Variants in PLEKHG1 observed in about 807,000 individuals in gnomAD.
The protein encoded by PLEKHG1 is pleckstrin homology domain-containing family G member 1.
PLEKHG1 carries 44 observed loss-of-function variants against 100.8 expected under a neutral mutation model. The observed-to-expected ratio is 0.44, with a 90% CI of 0.34 to 0.56. PLEKHG1 has a LOEUF of 0.56. Ranked by LOEUF, PLEKHG1 falls within the 20% of genes least tolerant of loss-of-function variation. The pLI is 0.01. For synonymous variants in PLEKHG1, 640 were observed against 662.5 expected (o/e 0.97, Z 0.52); for missense variants, 1,545 against 1,720.9 (o/e 0.90, Z 1.81).
chr6:150,668,075 G>C (rs773542037), intron 3 of PLEKHG1, among the ~76,000 whole-genome samples: 5 of 152,208 alleles, frequency 3.3e-5, no homozygotes, highest in Non-Finnish European at 7.3e-5. Context: ...AAGTCTCATT[G>C]CTGTTTTTCT....
At chr6:150,669,721 C>T (rs561240089) in intron 3 of PLEKHG1, among the ~76,000 whole-genome samples, 3 of 151,754 alleles carry the variant, frequency 2.0e-5, no homozygotes, top group Non-Finnish European at 2.9e-5. Flanking sequence ...CTCAGCCTCC[C>T]GAGTAGCTGG....
Position 150,733,969 on chromosome 6 carries a change from C to T in PLEKHG1, c.288C>T (p.Asn96=), listed in dbSNP as rs141401834. ...GAGCGCAGTGGAGAGTGGACTCAAA[C>T]GGGGCACCCAAGACGATCGCAGACT... Residue 96 remains asparagine, a synonymous_variant, in exon 2 of 16, where the codon AAC becomes AAT. Transcript: ENST00000358517. 1.1e-5 allele frequency: 18 copies of T among 1,614,150 alleles called. No individual in the cohort carries two copies. The South Asian group carries it at 1.5e-4, about 14-fold the overall frequency.
chr6:150,681,265 T>C (rs1779921093), intron 3 of PLEKHG1, among the ~76,000 whole-genome samples: 1 of 152,128 alleles, frequency 6.6e-6, no homozygotes, highest in African/African-American at 2.4e-5. Flanking sequence ...CTCATGCCTG[T>C]AATCCCAGCA....
chr6:150,808,255 G>A (rs1337014465), intron 7 of PLEKHG1, among the ~76,000 whole-genome samples: 1 of 152,100 alleles, frequency 6.6e-6, no homozygotes, highest in Non-Finnish European at 1.5e-5. Context: ...TAAGTTAGGG[G>A]CAAAGAAAGG....
exon 16 of PLEKHG1, chr6:150,841,223 A>G (rs1217480008): frequency 2.6e-6 from 1 of 382,922 alleles, no homozygotes; most frequent in Non-Finnish European, 4.8e-6. Flanking sequence ...AAATGCAATA[A>G]TCCTTTCCTG....
intron 3 of PLEKHG1, among the ~76,000 whole-genome samples, chr6:150,671,955 A>G (rs1475295140): frequency 2.0e-5 from 3 of 152,154 alleles, no homozygotes; most frequent in East Asian, 1.9e-4. Context: ...CAGGAGGGTG[A>G]TGGAATCCAG....
intron 4 of PLEKHG1, among the ~76,000 whole-genome samples, chr6:150,787,009 G>A (rs1332524926): frequency 2.3e-5 from 3 of 130,008 alleles, no homozygotes; most frequent in East Asian, 4.4e-4. Context: ...CAGCCTGGGT[G>A]ACAAGAGTGA....
intron 10 of PLEKHG1, among the ~76,000 whole-genome samples, chr6:150,813,304 C>A (rs75073379): frequency 0.017 from 2,040 of 121,570 alleles, no homozygotes; most frequent in Admixed American, 0.02. Context: ...GACTCTGTCT[C>A]AAAAAAAAAA....
chr6:150,752,670 C>A (rs1464121194), intron 2 of PLEKHG1, among the ~76,000 whole-genome samples: 1 of 152,178 alleles, frequency 6.6e-6, no homozygotes, highest in African/African-American at 2.4e-5. Context: ...TGTACAATAA[C>A]TGATCCCTTA....
intron 2 of PLEKHG1, among the ~76,000 whole-genome samples, chr6:150,746,926 T>C (rs541567287): frequency 1.3e-5 from 2 of 152,256 alleles, no homozygotes; most frequent in Non-Finnish European, 2.9e-5. Context: ...AAAATGCCTG[T>C]AACTGCAAAG....
At chr6:150,623,844 G>A (rs1012895473) in intron 1 of PLEKHG1, among the ~76,000 whole-genome samples, 3 of 152,158 alleles carry the variant, frequency 2.0e-5, no homozygotes, top group African/African-American at 7.2e-5. Flanking sequence ...CACTGTGCAT[G>A]TGTATGTATG....
chr6:150,814,242 C>G (rs1787725254), intron 10 of PLEKHG1, among the ~76,000 whole-genome samples: 1 of 152,092 alleles, frequency 6.6e-6, no homozygotes, highest in Non-Finnish European at 1.5e-5. Context: ...TTTGATGGGC[C>G]CCACCCATTG....
intron 4 of PLEKHG1, among the ~76,000 whole-genome samples, chr6:150,788,199 G>T (rs2128653948): frequency 6.6e-6 from 1 of 152,350 alleles, no homozygotes; most frequent in East Asian, 1.9e-4. Flanking sequence ...TTAGAAGACT[G>T]ACTTGAGCTC....
chr6:150,726,662 GA>G (rs1781978165), intron 1 of PLEKHG1, among the ~76,000 whole-genome samples: 1 of 151,800 alleles, frequency 6.6e-6, no homozygotes, highest in African/African-American at 2.4e-5. Flanking sequence ...AGGGTAACAA[GA>G]TTTTTTTTTC....
chr6:150,793,358 C>T (rs556928940), intron 4 of PLEKHG1, among the ~76,000 whole-genome samples: 24 of 152,186 alleles, frequency 1.6e-4, no homozygotes, highest in Admixed American at 1.4e-3. Context: ...ACTGTGACCA[C>T]CACTGTACTC....
At chr6:150,769,763 T>C (rs757849294) in intron 3 of PLEKHG1, among the ~76,000 whole-genome samples, 1 of 152,128 alleles carries the variant, frequency 6.6e-6, no homozygotes, top group Non-Finnish European at 1.5e-5. Flanking sequence ...ATGTCAAGTC[T>C]TTACTCAAAT....
chr6:150,795,181 G>A (rs1210526578), intron 4 of PLEKHG1, among the ~76,000 whole-genome samples: 1 of 152,088 alleles, frequency 6.6e-6, no homozygotes, highest in Non-Finnish European at 1.5e-5. Flanking sequence ...TTGAGACCAG[G>A]AATTGGAGAC....
intron 3 of PLEKHG1, among the ~76,000 whole-genome samples, chr6:150,712,736 G>A (rs1562454269): frequency 6.6e-6 from 1 of 152,152 alleles, no homozygotes; most frequent in South Asian, 2.1e-4. Flanking sequence ...CAGCAAGTTT[G>A]GCTGTCAGCT....
At chr6:150,608,345 G>A (rs1008255314) in intron 1 of PLEKHG1, among the ~76,000 whole-genome samples, 37 of 152,178 alleles carry the variant, frequency 2.4e-4, no homozygotes, top group Non-Finnish European at 4.4e-5. Flanking sequence ...AGGAACAGAA[G>A]GAGACTGGTT....
Sources: gnomAD v4.1 joint callset for allele counts (sites outside exome capture counted in the v4.1 genomes callset) on GRCh38, gnomAD v4.1.1 for gene constraint, MANE v1.5 for transcripts, NCBI Gene and HGNC (gene_info 2026-07-23, HGNC 2026-07-21) for gene names.